Variants in SLC26A2 observed in about 807,000 individuals in gnomAD.
SLC26A2 encodes solute carrier family 26 member 2, also known as sulfate transporter.
Under a neutral mutation model 41.1 loss-of-function variants are expected in SLC26A2, and 36 were observed. The observed-to-expected ratio is 0.88, with a 90% CI of 0.67 to 1.16. The LOEUF (loss-of-function observed/expected upper bound fraction) is 1.16. Ranked by LOEUF, SLC26A2 falls within the 50% of genes most tolerant of loss-of-function variation. The probability of loss-of-function intolerance (pLI) is 0.00; values close to 1 mark genes in which losing one functional copy is unlikely to be tolerated. For synonymous variants in SLC26A2, 291 were observed against 311.6 expected, an observed-to-expected ratio of 0.93 and a Z score of 0.70; for missense variants, 796 against 869.6, an observed-to-expected ratio of 0.92 and a Z score of 1.07.
chr5:149,973,090 A>G (rs1047317241), intron 1 of SLC26A2, among the ~76,000 whole-genome samples: 4 of 152,152 alleles, frequency 2.6e-5, no homozygotes, highest in African/African-American at 9.7e-5. Context: ...AGACCAAAGT[A>G]GGAGGATCAC....
At position 149,981,630 on chromosome 5, in the gene SLC26A2, C is replaced by T. The variant is rs762132863; in HGVS notation, c.2037C>T (p.Ile679=). 13 of 1,613,970 alleles carry T rather than the reference C, an allele frequency of 8.1e-6. No individual in the cohort carries two copies. The Admixed American group carries it at 1.0e-4, about 12-fold the overall frequency. ...GCAGAGATTATGAAGCCATTGGAAT[C>T]CAGGTTCTGCTGGCTCAGTGCAATC... ...EVRRDYEAIG[I]QVLLAQCNPT... is the part of the protein sequence containing the mutation. The change falls in exon 3 of 3, where the codon ATC becomes ATT. Residue 679 remains isoleucine, a synonymous_variant. Transcript: ENST00000286298.
At chr5:149,976,702 T>G (rs543652440) in intron 1 of SLC26A2, among the ~76,000 whole-genome samples, 1 of 152,340 alleles carries the variant, frequency 6.6e-6, no homozygotes, top group South Asian at 2.1e-4. Flanking sequence ...TTCCTCATGG[T>G]AGATCTTATG....
chr5:149,977,579 G>GCAC, intron 1 of SLC26A2, 49 bp from the exon 2 acceptor site: 1 of 942,788 alleles, frequency 1.1e-6, no homozygotes, highest in Non-Finnish European at 1.7e-6. Context: ...GTATATGTGA[G>GCAC]CACTGAGAAT....
Position 149,978,008 on chromosome 5 carries a change from G to T in SLC26A2, c.356G>T (p.Gly119Val). ...LGDVMSGLIVGILLVPQSIAY... is the reference protein window; with the variant it reads ...LGDVMSGLIVVILLVPQSIAY... ...GATGTGATGTCAGGCTTGATTGTGG[G>T]CATATTATTGGTGCCCCAGTCCATT... is the stretch of plus-strand genomic sequence containing the variant. The change falls in exon 2 of 3, where the codon GGC becomes GTC. Residue 119 changes from glycine (G) to valine (V), a missense_variant. Physicochemically the swap from Gly to Val is moderately radical, Grantham distance 109. Transcript: ENST00000286298. 1 of 1,614,168 alleles carries T rather than the reference G, an allele frequency of 6.2e-7. No individual in the cohort carries two copies. The highest frequency in any genetic ancestry group is 1.1e-5 in the South Asian group (1 of 91,086).
chr5:149,977,181 G>A (rs1321020044), intron 1 of SLC26A2, among the ~76,000 whole-genome samples: 1 of 152,164 alleles, frequency 6.6e-6, no homozygotes, highest in Non-Finnish European at 1.5e-5. Context: ...CTTGTTTCAG[G>A]GACTGGTAGG....
intron 2 of SLC26A2, among the ~76,000 whole-genome samples, chr5:149,979,674 G>A (rs916670430): frequency 6.6e-6 from 1 of 152,142 alleles, no homozygotes; most frequent in Non-Finnish European, 1.5e-5. Context: ...AGACAGTGTG[G>A]CATAAGTACA....
At chr5:149,973,360 C>G (rs1308155815) in intron 1 of SLC26A2, among the ~76,000 whole-genome samples, 1 of 151,690 alleles carries the variant, frequency 6.6e-6, no homozygotes, top group Admixed American at 6.6e-5. Context: ...TCATTTGTTC[C>G]ATTTCCTGGA....
rs1451416332 is a variant in SLC26A2, at chr5:149,979,773, T to A, written c.700-520T>A. ...GTGTGATTCTACTTTGATGTAAATC[T>A]AATTTTTTGTTTTACCAATTAAAAC... On this transcript the variant is annotated intron_variant, in intron 2 of 2. Coordinates refer to ENST00000286298, the MANE Select transcript of SLC26A2 (RefSeq NM_000112.4). 6.6e-5 allele frequency among the ~76,000 whole-genome samples: 10 copies of A among 152,394 alleles called. No individual in the cohort carries two copies. In the East Asian group the frequency reaches 1.9e-3, roughly 29 times the overall value.
chr5:149,976,136 C>G (rs113130814), intron 1 of SLC26A2, among the ~76,000 whole-genome samples: 3 of 148,248 alleles, frequency 2.0e-5, no homozygotes, highest in Admixed American at 6.8e-5. Flanking sequence ...CCAGCCTGGG[C>G]GACAGAGTGA....
chr5:149,982,620 C>G lies in SLC26A2; in HGVS notation c.*807C>G, dbSNP rs1312599516. 6.6e-6 allele frequency: 1 copy of G among 152,168 alleles called. No homozygotes were observed. Among genetic ancestry groups the G allele is most frequent in the Non-Finnish European group, 1.5e-5 (1 of 68,032 alleles). 9.4% of individuals were successfully genotyped at this position (152,168 alleles called of 1,614,324 possible). A position where few individuals can be genotyped will look rare whatever the true frequency, so the allele number is the denominator to read the frequency against. On this transcript the variant is annotated 3_prime_UTR_variant, in exon 3 of 3. Coordinates refer to ENST00000286298, the MANE Select transcript of SLC26A2 (RefSeq NM_000112.4). ...CTGAGACTTTCTCTACCATTAAGCT[C>G]TATTTTAGCTTTCAGTTATTCTAGT...
chr5:149,974,221 A>G (rs145202136), intron 1 of SLC26A2, among the ~76,000 whole-genome samples: 143 of 152,294 alleles, frequency 9.4e-4, no homozygotes, highest in Non-Finnish European at 1.8e-3. Flanking sequence ...GATTTCCAAT[A>G]AGAAGTCTGC....
rs767843785 is a variant in SLC26A2 at position 149,981,531 on chromosome 5, G to A, written c.1938G>A (p.Leu646=). Residue 646 remains leucine, a synonymous_variant, in exon 3 of 3, where the codon CTG becomes CTA. Coordinates refer to ENST00000286298, the MANE Select transcript of SLC26A2 (RefSeq NM_000112.4). The part of the protein sequence containing the change: ...SVQLSHDPLE[L]HTIVIDCSAI... The stretch of plus-strand genomic sequence containing the variant: ...AACTTTCCCATGATCCCTTGGAGCT[G>A]CATACTATAGTGATTGACTGCAGTG... The A allele has an allele frequency of 8.7e-6, 14 of 1,613,966 alleles. No individual in the cohort carries two copies. The African/African-American group carries it at 1.6e-4, about 18-fold the overall frequency.
chr5:149,967,401 C>T (rs1581226372), intron 1 of SLC26A2, among the ~76,000 whole-genome samples: 1 of 152,168 alleles, frequency 6.6e-6, no homozygotes, highest in South Asian at 2.1e-4. Flanking sequence ...CTCTCTCCTA[C>T]CCCACCTTAC....
rs1157582606 is a variant in SLC26A2 at position 149,986,000 on chromosome 5, T to C, written c.*4187T>C. 6.6e-6 allele frequency: 1 copy of C among 152,226 alleles called. No homozygotes were observed. Among genetic ancestry groups the C allele is most frequent in the East Asian group, 1.9e-4 (1 of 5,192 alleles). The allele number at this position is 152,226 out of a possible 1,614,324, so 9.4% of individuals were successfully genotyped here. ...TGGTAAACATCCAATTGACAGGATT[T>C]AGATTTTGCTTAGTTTTTCTGCTTT... On this transcript the variant is annotated 3_prime_UTR_variant, in exon 3 of 3. Transcript: ENST00000286298.
chr5:149,977,727 T>C lies in SLC26A2; in HGVS notation c.75T>C (p.Ser25=), dbSNP rs1755017011. The C allele has an allele frequency of 2.5e-6, 4 of 1,614,132 alleles. No homozygotes were observed. Among genetic ancestry groups the C allele is most frequent in the Non-Finnish European group, 3.4e-6 (4 of 1,179,962 alleles). Residue 25 remains serine, a synonymous_variant, in exon 2 of 3, where the codon TCT becomes TCC. Coordinates refer to ENST00000286298, the MANE Select transcript of SLC26A2 (RefSeq NM_000112.4). ...CTGAAGGAAATGACAGTTATCCATC[T>C]GGGATCCATCTGGAACTTCAAAGGG... is the stretch of plus-strand genomic sequence containing the variant. ...DSAEGNDSYP[S]GIHLELQRES...
At chr5:149,964,360 G>A (rs1157804442) in intron 1 of SLC26A2, among the ~76,000 whole-genome samples, 1 of 152,060 alleles carries the variant, frequency 6.6e-6, no homozygotes, top group Non-Finnish European at 1.5e-5. Flanking sequence ...GGGCATGGTG[G>A]CGTGCACTTG....
Position 149,980,553 on chromosome 5 carries a change from A to T in SLC26A2, c.960A>T (p.Glu320Asp). 6.2e-7 allele frequency: 1 copy of T among 1,614,198 alleles called. No individual in the cohort carries two copies. Among genetic ancestry groups the T allele is most frequent in the Non-Finnish European group, 8.5e-7 (1 of 1,180,024 alleles). The change falls in exon 3 of 3, where the codon GAA becomes GAT. Residue 320 changes from glutamate (E) to aspartate (D), a missense_variant. By Grantham distance (45) the Glu-to-Asp change is conservative (BLOSUM62 2). Transcript: ENST00000286298. ...LCLLVLLPTK[E>D]LNEHFKSKLK... The stretch of plus-strand genomic sequence containing the variant: ...TTTTGGTTCTTTTGCCAACCAAAGA[A>T]CTCAATGAACACTTCAAATCCAAGC...
At chr5:149,972,441 G>T (rs1754920188) in intron 1 of SLC26A2, among the ~76,000 whole-genome samples, 2 of 152,200 alleles carry the variant, frequency 1.3e-5, no homozygotes, top group East Asian at 1.9e-4. Context: ...GGATCACTTT[G>T]TGTAGCAGCT....
intron 1 of SLC26A2, among the ~76,000 whole-genome samples, chr5:149,972,600 CT>C (rs1271234806): frequency 2.0e-5 from 3 of 152,146 alleles, no homozygotes; most frequent in Non-Finnish European, 4.4e-5. Flanking sequence ...ATTTTATTAC[CT>C]TGCTCTGTCA....
Sources: gnomAD v4.1 joint callset for allele counts (sites outside exome capture counted in the v4.1 genomes callset) on GRCh38, gnomAD v4.1.1 for gene constraint, MANE v1.5 for transcripts, NCBI Gene and HGNC (gene_info 2026-07-23, HGNC 2026-07-21) for gene names.